The following HTT variants were observed in gnomAD, a reference collection of about 807,000 sequenced individuals.
HTT encodes huntington disease protein.
In HTT, 104 loss-of-function variants were observed where a neutral mutation model predicts 362.3. That is an observed-to-expected ratio of 0.29 (90% CI 0.24 to 0.34). The LOEUF (loss-of-function observed/expected upper bound fraction) is 0.34, where lower values mean the gene tolerates loss of function less well. HTT is among the 10% of genes least tolerant of loss of function. The pLI is 1.00. For missense variants in HTT, 3,301 were observed against 3,928.6 expected, an observed-to-expected ratio of 0.84 and a Z score of 4.27; for synonymous variants, 1,577 against 1,548.7, an observed-to-expected ratio of 1.02 and a Z score of -0.43.
At position 3,241,816 on chromosome 4, in the gene HTT, C is replaced by T. The variant is rs1721812186; in HGVS notation, c.*1757C>T. The T allele has an allele frequency of 6.6e-6, 1 of 152,218 alleles. No homozygotes were observed. The highest frequency in any genetic ancestry group is 2.4e-5 in the African/African-American group (1 of 41,422). 9.4% of individuals were successfully genotyped at this position (152,218 alleles called of 1,614,324 possible). A position where few individuals can be genotyped will look rare whatever the true frequency, so the allele number is the denominator to read the frequency against. ...CTGTATGAGGCTTTTCCCACCAGCT[C>T]CCAACAGAGGCCTCCCCCAGCCAGG... On this transcript the variant is annotated 3_prime_UTR_variant, in exon 67 of 67. Transcript: ENST00000355072.
chr4:3,174,652 A>G, intron 31 of HTT, 69 bp from the exon 32 acceptor site: 1 of 1,251,714 alleles, frequency 8.0e-7, no homozygotes, highest in Non-Finnish European at 1.2e-6. Flanking sequence ...GCAGGAGTAT[A>G]TCTGAGTGCA....
At chr4:3,086,248 T>C (rs1397450238) in intron 1 of HTT, among the ~76,000 whole-genome samples, 1 of 152,218 alleles carries the variant, frequency 6.6e-6, no homozygotes, top group African/African-American at 2.4e-5. Flanking sequence ...GTGAAATTGA[T>C]TGAGTATTGG....
Position 3,130,405 on chromosome 4 carries a change from G to A in HTT, c.1968G>A (p.Pro656=), listed in dbSNP as rs768310332. Residue 656 remains proline (P), a synonymous_variant, in exon 14 of 67, where the codon CCG becomes CCA. Coordinates refer to ENST00000355072, the MANE Select transcript of HTT (RefSeq NM_001388492.1). Reference sequence around the variant, plus strand: ...TGTTGAGAGATGAAGCTACTGAACCGGGTGATCAAGAAAACAAGGTGAGGG... The same window carrying A: ...TGTTGAGAGATGAAGCTACTGAACCAGGTGATCAAGAAAACAAGGTGAGGG... ...KFVLRDEATE[P]GDQENKPCRI... 1.1e-5 allele frequency: 18 copies of A among 1,595,188 alleles called. No homozygotes were observed. The highest frequency in any genetic ancestry group is 1.3e-5 in the African/African-American group (1 of 74,408).
At chr4:3,186,483 A>T in intron 37 of HTT, 114 bp from the exon 38 acceptor site, 1 of 1,133,704 alleles carries the variant, frequency 8.8e-7, no homozygotes, top group Non-Finnish European at 1.3e-6. Flanking sequence ...TAAATGAGGG[A>T]AGGTGACGAT....
At chr4:3,187,913 T>C (rs1412334957) in intron 39 of HTT, 27 bp downstream of exon 39, 1 of 1,396,460 alleles carries the variant, frequency 7.2e-7, no homozygotes, top group Non-Finnish European at 1.0e-6. Flanking sequence ...AGCCTATAAC[T>C]AACCCATGCC....
At chr4:3,146,371 G>A (rs756943215) in intron 24 of HTT, among the ~76,000 whole-genome samples, 6 of 152,192 alleles carry the variant, frequency 3.9e-5, no homozygotes, top group African/African-American at 1.2e-4. Flanking sequence ...AACTAACCAC[G>A]TCAGACCTGC....
intron 47 of HTT, among the ~76,000 whole-genome samples, chr4:3,211,272 C>G (rs1446091223): frequency 6.6e-6 from 1 of 152,186 alleles, no homozygotes; most frequent in Non-Finnish European, 1.5e-5. Context: ...GCTTAGTGAT[C>G]TGTTTATTAG....
At chr4:3,207,257 C>G (rs761531731) in intron 44 of HTT, 24 bp from the exon 45 acceptor site, 13 of 1,604,544 alleles carry the variant, frequency 8.1e-6, no homozygotes, top group African/African-American at 2.7e-5. Context: ...GTTACAAACA[C>G]ACTAATGTGT....
intron 41 of HTT, 63 bp downstream of exon 41, chr4:3,200,002 T>C: frequency 7.2e-7 from 1 of 1,384,918 alleles, no homozygotes; most frequent in Non-Finnish European, 1.0e-6. Flanking sequence ...AGACTCCCAG[T>C]AACCTGAGCT....
intron 65 of HTT, 77 bp from the exon 66 acceptor site, chr4:3,238,741 A>ACCCCCC: frequency 4.2e-6 from 2 of 476,958 alleles, no homozygotes; most frequent in Non-Finnish European, 6.4e-6. Flanking sequence ...CCCCCACCCC[A>ACCCCCC]CCCCCGCCAC....
intron 28 of HTT, among the ~76,000 whole-genome samples, chr4:3,159,431 C>T (rs1435266602): frequency 2.0e-5 from 3 of 152,202 alleles, no homozygotes; most frequent in Non-Finnish European, 2.9e-5. Flanking sequence ...CTTCCCTGGG[C>T]TCTTCATCTC....
intron 31 of HTT, 81 bp downstream of exon 31, chr4:3,173,212 G>T: frequency 8.7e-7 from 1 of 1,146,556 alleles, no homozygotes; most frequent in African/African-American, 1.5e-5. Context: ...GAATAAAAAC[G>T]AAAAATGTTA....
At chr4:3,135,340 A>G (rs1441817667) in intron 19 of HTT, among the ~76,000 whole-genome samples, 3 of 151,580 alleles carry the variant, frequency 2.0e-5, no homozygotes, top group African/African-American at 7.3e-5. Context: ...AAAAAATAAC[A>G]TGAGCTGTGT....
At chr4:3,193,142 C>T (rs868067523) in intron 40 of HTT, among the ~76,000 whole-genome samples, 3 of 152,260 alleles carry the variant, frequency 2.0e-5, no homozygotes, top group South Asian at 2.1e-4. Flanking sequence ...CCCGGCCGCA[C>T]GGCGCCACAG....
intron 6 of HTT, among the ~76,000 whole-genome samples, chr4:3,109,074 T>A (rs1277909530): frequency 1.1e-4 from 16 of 151,078 alleles, no homozygotes; most frequent in South Asian, 6.2e-4. Context: ...AAAATATATA[T>A]ATATATATTA....
chr4:3,145,574 T>G (rs363103), intron 24 of HTT, among the ~76,000 whole-genome samples: 10,900 of 152,290 alleles, frequency 0.072, 552 homozygotes, highest in African/African-American at 0.15. Context: ...CTTTTTTCAC[T>G]TAATTGTGAC....
At chr4:3,092,141 G>A (rs954538709) in intron 2 of HTT, among the ~76,000 whole-genome samples, 9 of 152,100 alleles carry the variant, frequency 5.9e-5, no homozygotes, top group Non-Finnish European at 1.2e-4. Context: ...TCCTGCCTCA[G>A]CCTCCTGAGT....
At chr4:3,092,661 C>T (rs1713577844) in intron 2 of HTT, among the ~76,000 whole-genome samples, 1 of 152,192 alleles carries the variant, frequency 6.6e-6, no homozygotes, top group African/African-American at 2.4e-5. Flanking sequence ...AGATTACAGG[C>T]ATGAGCCACC....
intron 29 of HTT, among the ~76,000 whole-genome samples, chr4:3,168,295 G>T (rs568621680): frequency 1.3e-5 from 2 of 152,212 alleles, no homozygotes. Context: ...ACATGCATAG[G>T]CCTCTGCATG....
Sources: gnomAD v4.1 joint callset for allele counts (sites outside exome capture counted in the v4.1 genomes callset) on GRCh38, gnomAD v4.1.1 for gene constraint, MANE v1.5 for transcripts, NCBI Gene and HGNC (gene_info 2026-07-23, HGNC 2026-07-21) for gene names.